The following NR2E1 variants were observed in gnomAD, a reference collection of about 807,000 sequenced individuals.
NR2E1 encodes nuclear receptor subfamily 2 group E member 1.
In NR2E1, 5 loss-of-function variants were observed where a neutral mutation model predicts 43.6. That is an observed-to-expected ratio of 0.11 (90% CI 0.06 to 0.24). The LOEUF (loss-of-function observed/expected upper bound fraction) is 0.24, where lower values mean the gene tolerates loss of function less well. Ranked by LOEUF, NR2E1 falls within the 10% of genes least tolerant of loss-of-function variation. The pLI is 1.00. For synonymous variants in NR2E1, 191 were observed against 195.5 expected (o/e 0.98, Z 0.19); for missense variants, 287 against 496.7 (o/e 0.58, Z 4.01).
chr6:108,179,742 C>G (rs1400670111), intron 5 of NR2E1, among the ~76,000 whole-genome samples: 1 of 151,956 alleles, frequency 6.6e-6, no homozygotes, highest in African/African-American at 2.4e-5. Flanking sequence ...AAATGACAAG[C>G]ACCTTGATGC....
In NR2E1 at chr6:108,166,845, G is replaced by A. The variant is rs1398745150; in HGVS notation, c.25+55G>A. 6 of 1,550,328 alleles carry A rather than the reference G, an allele frequency of 3.9e-6. No homozygotes were observed. Among genetic ancestry groups the A allele is most frequent in the African/African-American group, 1.4e-5 (1 of 74,034 alleles). Reference sequence around the variant, plus strand: ...TAGGCGCGCAGCCTGGGGCGAGCGAGCGGGGAGGCTGGGGGAGGTCCTGCC... The same window carrying A: ...TAGGCGCGCAGCCTGGGGCGAGCGAACGGGGAGGCTGGGGGAGGTCCTGCC... On this transcript the variant is annotated intron_variant, in intron 1 of 8. Transcript: ENST00000368986. This position sits in a 1 kb window ranked among gnomAD's most constrained non-coding sequence, Gnocchi z 7.2.
chr6:108,178,070 G>C, intron 4 of NR2E1, 25 bp from the exon 5 acceptor site: 2 of 1,613,812 alleles, frequency 1.2e-6, no homozygotes, highest in Non-Finnish European at 1.7e-6. Flanking sequence ...TCACTTCCAG[G>C]TGTCTTTCTT....
Position 108,183,268 on chromosome 6 carries a change from G to A in NR2E1, c.995+1617G>A, listed in dbSNP as rs139747902. 2.3e-3 allele frequency among the ~76,000 whole-genome samples: 352 copies of A among 151,844 alleles called. 2 individuals carry two copies. Among genetic ancestry groups the A allele is most frequent in the African/African-American group, 8.4e-3 (348 of 41,382 alleles). On this transcript the variant is annotated intron_variant, in intron 8 of 8. Coordinates refer to ENST00000368986, the MANE Select transcript of NR2E1 (RefSeq NM_003269.5). ...AATCCCAGCATTTTGGGAGGCCAAGGCAGGCAGTTCACTTGAGCTCAAGAG... is the reference window on the plus strand; with the variant it reads ...AATCCCAGCATTTTGGGAGGCCAAGACAGGCAGTTCACTTGAGCTCAAGAG...
chr6:108,179,301 A>G (rs1773947990), intron 5 of NR2E1: 1 of 152,188 alleles, frequency 6.6e-6, no homozygotes. Flanking sequence ...TAAAAATAAA[A>G]CATTAAAAAA....
chr6:108,176,391 G>A, intron 3 of NR2E1, 112 bp from the exon 4 acceptor site: 1 of 981,018 alleles, frequency 1.0e-6, no homozygotes. Context: ...CACCTCTTGG[G>A]CGATTTTGCC....
chr6:108,181,501 C>A, intron 7 of NR2E1, 45 bp from the exon 8 acceptor site: 1 of 1,516,934 alleles, frequency 6.6e-7, no homozygotes, highest in Non-Finnish European at 9.2e-7. Flanking sequence ...CTCCCAGATG[C>A]AATTTCTATG....
At position 108,166,593 on chromosome 6, in the gene NR2E1, A is replaced by C; in HGVS notation, c.-173A>C. On this transcript the variant is annotated 5_prime_UTR_variant, in exon 1 of 9. Coordinates refer to ENST00000368986, the MANE Select transcript of NR2E1 (RefSeq NM_003269.5). This position sits in a 1 kb window ranked among gnomAD's most constrained non-coding sequence, Gnocchi z 7.2. ...ATGCTTAAATTTCCACTGTTGGACGAATTCTGAGCGCCCAGGGAGCAGCGC... is the reference window on the plus strand; with the variant it reads ...ATGCTTAAATTTCCACTGTTGGACGCATTCTGAGCGCCCAGGGAGCAGCGC... The C allele has an allele frequency of 1.8e-6, 1 of 540,686 alleles. No homozygotes were observed. Among genetic ancestry groups the C allele is most frequent in the South Asian group, 2.6e-5 (1 of 38,050 alleles). The allele number at this position is 540,686 out of a possible 1,614,324, so 33.5% of individuals were successfully genotyped here. A position where few individuals can be genotyped will look rare whatever the true frequency, so the allele number is the denominator to read the frequency against.
chr6:108,175,172 C>T (rs903396134), intron 3 of NR2E1, among the ~76,000 whole-genome samples: 4 of 152,184 alleles, frequency 2.6e-5, no homozygotes, highest in African/African-American at 9.6e-5. Context: ...CATCTCCACA[C>T]AGGCAGCGCT....
rs1156903894 is a variant in NR2E1 at position 108,176,712 on chromosome 6, G to A, written c.469G>A (p.Val157Met). ...VSTTPERQTL[V>M]SLAQPTPKYP... ...CACCACTCCAGAGCGGCAGACCCTC[G>A]TGAGCCTGGCTCAGCCCACGCCCAA... Residue 157 changes from valine (V) to methionine (M), a missense_variant, in exon 4 of 9, where the codon GTG (valine) becomes ATG (methionine). Physicochemically the swap from Val to Met is conservative, Grantham distance 21. Coordinates refer to ENST00000368986, the MANE Select transcript of NR2E1 (RefSeq NM_003269.5). 1.3e-6 allele frequency: 2 copies of A among 1,583,768 alleles called. No homozygotes were observed. Among genetic ancestry groups the A allele is most frequent in the Non-Finnish European group, 1.7e-6 (2 of 1,169,822 alleles).
intron 5 of NR2E1, among the ~76,000 whole-genome samples, chr6:108,178,587 T>C (rs1200093059): frequency 6.6e-6 from 1 of 152,200 alleles, no homozygotes; most frequent in Non-Finnish European, 1.5e-5. Context: ...TGAAACAATG[T>C]TTTACTAAGA....
intron 5 of NR2E1, among the ~76,000 whole-genome samples, chr6:108,179,827 C>T (rs944443259): frequency 2.6e-5 from 4 of 152,110 alleles, no homozygotes; most frequent in African/African-American, 9.7e-5. Context: ...AACATAATTA[C>T]ACCCTGATTT....
chr6:108,167,956 T>C, intron 1 of NR2E1: 1 of 1,496,006 alleles, frequency 6.7e-7, no homozygotes, highest in Non-Finnish European at 9.0e-7. Context: ...GTGTTTTCAT[T>C]TTGTTTTGCT....
intron 8 of NR2E1, among the ~76,000 whole-genome samples, chr6:108,184,277 A>C (rs1266269643): frequency 2.0e-5 from 3 of 152,210 alleles, no homozygotes; most frequent in Non-Finnish European, 4.4e-5. Context: ...TGACATTTAG[A>C]GCCATTATGG....
chr6:108,170,555 A>G (rs1017555387), intron 1 of NR2E1, among the ~76,000 whole-genome samples: 3 of 147,744 alleles, frequency 2.0e-5, no homozygotes, highest in Non-Finnish European at 4.5e-5. Context: ...GGTGGGGTCC[A>G]TGGGGGGTGG....
rs1773931123 is a variant in NR2E1, at chr6:108,178,190, C to G, written c.591C>G (p.Ile197Met). 1 of 1,614,144 alleles carries G rather than the reference C, an allele frequency of 6.2e-7. No individual in the cohort carries two copies. Among genetic ancestry groups the G allele is most frequent in the Admixed American group, 1.7e-5 (1 of 60,020 alleles). Residue 197 changes from isoleucine (I) to methionine (M), a missense_variant, in exon 5 of 9, where the codon ATC (isoleucine) becomes ATG (methionine). This residue lies in a region of NR2E1 where 119 missense variants were observed against 155.7 expected (regional missense o/e 0.76). Transcript: ENST00000368986. The stretch of plus-strand genomic sequence containing the variant: ...CTGCCAGACTTCTCTTCATGAGCAT[C>G]AAGTGGGCTAAGAGTGTGCCAGCCT... ...ESAARLLFMSIKWAKSVPAFS... is the reference protein window; with the variant it reads ...ESAARLLFMSMKWAKSVPAFS...
intron 1 of NR2E1, among the ~76,000 whole-genome samples, chr6:108,170,054 C>T (rs1773785267): frequency 1.3e-5 from 2 of 151,624 alleles, no homozygotes; most frequent in South Asian, 4.2e-4. Flanking sequence ...CCTCGGGTTC[C>T]AGGAGCAAGT....
In NR2E1 at chr6:108,188,215, A is replaced by T. The variant is rs1477139874; in HGVS notation, c.*752A>T. The stretch of plus-strand genomic sequence containing the variant: ...AGAAGAGCTTTACTAAAAGAACATA[A>T]GTCAAGGGAGGATGAATAAAAACAG... On this transcript the variant is annotated 3_prime_UTR_variant, in exon 9 of 9. Coordinates refer to ENST00000368986, the MANE Select transcript of NR2E1 (RefSeq NM_003269.5). The T allele has an allele frequency of 6.6e-6, 1 of 152,366 alleles. No homozygotes were observed. The highest frequency in any genetic ancestry group is 1.5e-5 in the Non-Finnish European group (1 of 68,194). The allele number at this position is 152,366 out of a possible 1,614,324, so 9.4% of individuals were successfully genotyped here. A position where few individuals can be genotyped will look rare whatever the true frequency, so the allele number is the denominator to read the frequency against.
In NR2E1 at chr6:108,187,557, A is replaced by G; in HGVS notation, c.*94A>G. ...TCAACTAACAAACCCTTCAGGAAGCATATACCGGGGAATGTGTAGCCTTCA... is the reference window on the plus strand; with the variant it reads ...TCAACTAACAAACCCTTCAGGAAGCGTATACCGGGGAATGTGTAGCCTTCA... On this transcript the variant is annotated 3_prime_UTR_variant, in exon 9 of 9. Coordinates refer to ENST00000368986, the MANE Select transcript of NR2E1 (RefSeq NM_003269.5). 1 of 1,380,476 alleles carries G rather than the reference A, an allele frequency of 7.2e-7. No individual in the cohort carries two copies. Among genetic ancestry groups the G allele is most frequent in the Admixed American group, 1.7e-5 (1 of 59,656 alleles). The allele number at this position is 1,380,476 out of a possible 1,614,324, so 85.5% of individuals were successfully genotyped here.
intron 2 of NR2E1, among the ~76,000 whole-genome samples, chr6:108,173,161 A>G (rs1279169058): frequency 6.6e-6 from 1 of 152,192 alleles, no homozygotes; most frequent in African/African-American, 2.4e-5. Context: ...AGAGTAAATG[A>G]TCAGAGCTGA....
Sources: gnomAD v4.1 joint callset for allele counts (sites outside exome capture counted in the v4.1 genomes callset) on GRCh38, gnomAD v4.1.1 for gene constraint, gnomAD v4.1.1 regional missense constraint, Gnocchi (gnomAD v3.1) non-coding constraint, MANE v1.5 for transcripts, NCBI Gene and HGNC (gene_info 2026-07-23, HGNC 2026-07-21) for gene names.